Variants in PALM2AKAP2 observed in about 807,000 individuals in gnomAD.
PALM2AKAP2 encodes PALM2-AKAP2 fusion protein.
Under a neutral mutation model 71.5 loss-of-function variants are expected in PALM2AKAP2, and 37 were observed. That is an observed-to-expected ratio of 0.52 (90% CI 0.40 to 0.68). PALM2AKAP2 has a LOEUF of 0.68. Among genes scored for constraint, PALM2AKAP2 ranks in the 30% least tolerant of loss-of-function variants. The pLI is 0.00. For synonymous variants in PALM2AKAP2, 468 were observed against 478.8 expected (o/e 0.98, Z 0.29); for missense variants, 1,224 against 1,191.8 (o/e 1.03, Z -0.40).
intron 1 of PALM2AKAP2, among the ~76,000 whole-genome samples, chr9:109,755,143 C>T (rs1587895339): frequency 6.6e-6 from 1 of 152,160 alleles, no homozygotes; most frequent in African/African-American, 2.4e-5. Context: ...CTCACTCACC[C>T]ATCCCCACTC....
intron 3 of PALM2AKAP2, among the ~76,000 whole-genome samples, chr9:109,885,231 A>C (rs1197628343): frequency 1.3e-5 from 2 of 152,128 alleles, no homozygotes; most frequent in African/African-American, 4.8e-5. Flanking sequence ...TGGAAGGGCG[A>C]ATGTTGTTCC....
chr9:110,089,679 A>G (rs1326451182), intron 1 of PALM2AKAP2, among the ~76,000 whole-genome samples: 1 of 152,210 alleles, frequency 6.6e-6, no homozygotes, highest in African/African-American at 2.4e-5. Context: ...TTCATTTTGT[A>G]TCGTGTTTCA....
At chr9:110,045,932 C>G (rs1414540260), upstream of PALM2AKAP2, among the ~76,000 whole-genome samples, 2 of 152,136 alleles carry the variant, frequency 1.3e-5, no homozygotes, top group African/African-American at 2.4e-5. Context: ...AATTCTGGGG[C>G]AAGATATCTC....
intron 6 of PALM2AKAP2, chr9:109,944,976 C>A (rs1047767962): frequency 3.3e-5 from 5 of 152,084 alleles, no homozygotes; most frequent in Non-Finnish European, 2.9e-5. Context: ...TTTGAAAAAA[C>A]ATATGATATA....
chr9:110,060,360 C>T (rs577988790), intron 1 of PALM2AKAP2, among the ~76,000 whole-genome samples: 2 of 152,156 alleles, frequency 1.3e-5, no homozygotes, highest in East Asian at 3.9e-4. Flanking sequence ...ACCTTGGCCT[C>T]CCAAAGTGCT....
At chr9:109,985,637 T>A (rs567481058) in intron 6 of PALM2AKAP2, among the ~76,000 whole-genome samples, 262 of 143,178 alleles carry the variant, frequency 1.8e-3, no homozygotes, top group Non-Finnish European at 3.4e-3. Context: ...AAAAAAACTG[T>A]CTTGAGTTTT....
At chr9:109,694,760 C>A (rs1158693672) in intron 1 of PALM2AKAP2, among the ~76,000 whole-genome samples, 4 of 151,868 alleles carry the variant, frequency 2.6e-5, no homozygotes, top group Non-Finnish European at 5.9e-5. Context: ...GGTAACTGGC[C>A]CTCCATGTGT....
intron 1 of PALM2AKAP2, among the ~76,000 whole-genome samples, chr9:109,743,287 A>T (rs73657042): frequency 0.013 from 2,019 of 152,310 alleles, 50 homozygotes; most frequent in African/African-American, 0.046. Context: ...TGGCAGAAGT[A>T]TTCTACATGC....
intron 1 of PALM2AKAP2, among the ~76,000 whole-genome samples, chr9:109,820,068 C>T (rs979645021): frequency 6.6e-6 from 1 of 152,152 alleles, no homozygotes; most frequent in Non-Finnish European, 1.5e-5. Context: ...AATAGACTTA[C>T]ACATACCTTA....
chr9:109,871,487 A>G (rs937032262), intron 2 of PALM2AKAP2, among the ~76,000 whole-genome samples: 1 of 152,182 alleles, frequency 6.6e-6, no homozygotes, highest in Non-Finnish European at 1.5e-5. Flanking sequence ...GATGATTACA[A>G]AAGGAAAGAA....
At chr9:110,037,308 G>A (rs1833429955) in intron 7 of PALM2AKAP2, among the ~76,000 whole-genome samples, 1 of 152,104 alleles carries the variant, frequency 6.6e-6, no homozygotes, top group Non-Finnish European at 1.5e-5. Flanking sequence ...CTGGGTTCAA[G>A]CAATTCTCCT....
chr9:110,156,585 T>G, intron 3 of PALM2AKAP2, 88 bp downstream of exon 9: 1 of 1,432,108 alleles, frequency 7.0e-7, no homozygotes, highest in Non-Finnish European at 9.2e-7. Flanking sequence ...CAAATGTGTA[T>G]GTCGTTGTCT....
intron 6 of PALM2AKAP2, among the ~76,000 whole-genome samples, chr9:109,974,924 G>A (rs973292011): frequency 6.6e-6 from 1 of 152,196 alleles, no homozygotes; most frequent in African/African-American, 2.4e-5. Flanking sequence ...CCATAGGGGA[G>A]CCTCTGGCCA....
intron 3 of PALM2AKAP2, among the ~76,000 whole-genome samples, chr9:109,906,267 C>T (rs13291686): frequency 6.6e-5 from 10 of 152,170 alleles, no homozygotes; most frequent in Admixed American, 2.6e-4. Flanking sequence ...GGTGCAATCT[C>T]GGCTCACTGC....
intron 1 of PALM2AKAP2, among the ~76,000 whole-genome samples, chr9:109,861,945 G>A (rs1200593809): frequency 1.3e-5 from 2 of 152,174 alleles, no homozygotes; most frequent in African/African-American, 4.8e-5. Context: ...AGAAAAAAGA[G>A]GATAGTACAC....
intron 7 of PALM2AKAP2, among the ~76,000 whole-genome samples, chr9:110,018,611 G>A (rs1037778993): frequency 8.5e-5 from 13 of 152,178 alleles, no homozygotes; most frequent in Admixed American, 3.9e-4. Context: ...GATTACAGGT[G>A]TAAGCCTCTC....
intron 1 of PALM2AKAP2, among the ~76,000 whole-genome samples, chr9:110,070,294 G>T (rs560373105): frequency 6.6e-6 from 1 of 152,306 alleles, no homozygotes; most frequent in African/African-American, 2.4e-5. Flanking sequence ...AATTCCAAAT[G>T]CAGACAGACC....
chr9:110,077,434 C>A (rs1834346321), intron 1 of PALM2AKAP2, among the ~76,000 whole-genome samples: 2 of 152,114 alleles, frequency 1.3e-5, no homozygotes, highest in African/African-American at 4.8e-5. Context: ...GGCAAGTTCT[C>A]CCATTTGACA....
intron 1 of PALM2AKAP2, among the ~76,000 whole-genome samples, chr9:109,692,430 C>T (rs996758605): frequency 2.0e-5 from 3 of 151,842 alleles, no homozygotes; most frequent in African/African-American, 7.2e-5. Context: ...TTATATCTAT[C>T]TTTTACTTCT....
Sources: allele counts gnomAD v4.1 joint callset (sites outside exome capture counted in the v4.1 genomes callset), GRCh38; gene constraint gnomAD v4.1.1; transcripts MANE v1.5; gene names NCBI Gene and HGNC (gene_info 2026-07-23, HGNC 2026-07-21).